The following TTC39B variants were observed in gnomAD, a reference collection of about 807,000 sequenced individuals.
The protein encoded by TTC39B is tetratricopeptide repeat protein 39B.
A neutral mutation model predicts 96.6 loss-of-function variants in TTC39B; 92 were observed. That is an observed-to-expected ratio of 0.95 (90% CI 0.80 to 1.13). The LOEUF is 1.13. Ranked by LOEUF, TTC39B falls within the 50% of genes most tolerant of loss-of-function variation. The probability of loss-of-function intolerance (pLI) is 0.00; values close to 1 mark genes in which losing one functional copy is unlikely to be tolerated. For synonymous variants in TTC39B, 367 were observed against 299.4 expected, an observed-to-expected ratio of 1.23 and a Z score of -2.33; for missense variants, 955 against 809.3, an observed-to-expected ratio of 1.18 and a Z score of -2.18.
chr9:15,182,226 G>T, intron 17 of TTC39B, 81 bp downstream of exon 17: 2 of 827,676 alleles, frequency 2.4e-6, no homozygotes, highest in Admixed American at 2.7e-5. Flanking sequence ...ATTAATGTTG[G>T]CAGATGTGCA....
At chr9:15,205,545 G>C (rs942056987) in intron 6 of TTC39B, among the ~76,000 whole-genome samples, 1 of 152,178 alleles carries the variant, frequency 6.6e-6, no homozygotes, top group African/African-American at 2.4e-5. Flanking sequence ...GCCATTAACA[G>C]ACCAAACTTG....
At chr9:15,258,963 A>G (rs192012011) in intron 2 of TTC39B, among the ~76,000 whole-genome samples, 1 of 152,292 alleles carries the variant, frequency 6.6e-6, no homozygotes, top group East Asian at 1.9e-4. Context: ...GTGAATTTAT[A>G]TGAAGAACTT....
chr9:15,281,178 AAAC>A (rs928531703), intron 1 of TTC39B, among the ~76,000 whole-genome samples: 4 of 152,034 alleles, frequency 2.6e-5, no homozygotes, highest in Non-Finnish European at 4.4e-5. Context: ...AAAAATCTAA[AAAC>A]AACAACAACA....
chr9:15,172,870 G>A lies in TTC39B; in HGVS notation c.1959-761C>T, dbSNP rs114620360. ...CTACTCACTGGTAATCTTGATGTGG[G>A]TTAGTAAAATGTATTATTCATAAAC... is the stretch of plus-strand genomic sequence containing the variant. On this transcript the variant is annotated intron_variant, in intron 19 of 19. Transcript: ENST00000512701. 5.2e-3 allele frequency among the ~76,000 whole-genome samples: 795 copies of A among 152,246 alleles called. 8 individuals are homozygous for A. The highest frequency in any genetic ancestry group is 0.018 in the African/African-American group (746 of 41,558).
chr9:15,278,927 T>C (rs1563783945), intron 1 of TTC39B, among the ~76,000 whole-genome samples: 1 of 152,202 alleles, frequency 6.6e-6, no homozygotes, highest in Non-Finnish European at 1.5e-5. Flanking sequence ...TCATTTAATC[T>C]TCATAGTGAC....
intron 1 of TTC39B, among the ~76,000 whole-genome samples, chr9:15,281,625 C>CAAAAAAAAAAAAAAAAAAA (rs1161175672): frequency 1.0e-4 from 5 of 49,002 alleles, no homozygotes; most frequent in African/African-American, 2.9e-4. Context: ...CCTGCAACAG[C>CAAAAAAAAAAAAAAAAAAA]AAAAAAAAAA....
At chr9:15,230,846 A>T (rs1028217797) in intron 2 of TTC39B, among the ~76,000 whole-genome samples, 4 of 152,120 alleles carry the variant, frequency 2.6e-5, no homozygotes, top group African/African-American at 9.7e-5. Flanking sequence ...TTAGCCAGGC[A>T]TGGTGGTGCA....
chr9:15,187,749 C>T (rs778720462), intron 14 of TTC39B, among the ~76,000 whole-genome samples: 26 of 152,340 alleles, frequency 1.7e-4, no homozygotes, highest in African/African-American at 5.8e-4. Context: ...CATGGGCCAT[C>T]GCATTTGGCC....
chr9:15,211,980 T>C (rs1820227526), intron 4 of TTC39B, among the ~76,000 whole-genome samples: 1 of 152,218 alleles, frequency 6.6e-6, no homozygotes, highest in Non-Finnish European at 1.5e-5. Flanking sequence ...ATCATCAAGT[T>C]ACAGTGAGAA....
chr9:15,281,699 C>T (rs139048413), intron 1 of TTC39B, among the ~76,000 whole-genome samples: 14 of 133,060 alleles, frequency 1.1e-4, no homozygotes, highest in African/African-American at 4.1e-4. Flanking sequence ...CTTTTTGAGA[C>T]AGGGTCTCAC....
chr9:15,305,242 T>C (rs971314697), intron 1 of TTC39B, among the ~76,000 whole-genome samples: 1 of 152,204 alleles, frequency 6.6e-6, no homozygotes, highest in East Asian at 1.9e-4. Flanking sequence ...TTTAGAGTTC[T>C]TGTACCCAGG....
Position 15,211,406 on chromosome 9 carries a change from A to C in TTC39B, c.483-9T>G. ...ACATACTCTCCTTAGCCCTGGGAAG[A>C]ACACAGGGAATTCAGACATTTTAAT... is the stretch of plus-strand genomic sequence containing the variant. On this transcript the variant is annotated splice_polypyrimidine_tract_variant and intron_variant, in intron 4 of 19. Transcript: ENST00000512701. 1 of 1,472,796 alleles carries C rather than the reference A, an allele frequency of 6.8e-7. No individual in the cohort carries two copies. Among genetic ancestry groups the C allele is most frequent in the Non-Finnish European group, 9.0e-7 (1 of 1,109,948 alleles). The allele number at this position is 1,472,796 out of a possible 1,614,324, so 91.2% of individuals were successfully genotyped here. A position where few individuals can be genotyped will look rare whatever the true frequency, so the allele number is the denominator to read the frequency against.
chr9:15,179,791 G>T (rs952815850), intron 17 of TTC39B, among the ~76,000 whole-genome samples: 6 of 152,176 alleles, frequency 3.9e-5, no homozygotes, highest in African/African-American at 1.4e-4. Context: ...TTGAGGAACA[G>T]ACGTAACATC....
intron 8 of TTC39B, among the ~76,000 whole-genome samples, chr9:15,198,638 G>A (rs1192858489): frequency 6.6e-6 from 1 of 151,546 alleles, no homozygotes; most frequent in Non-Finnish European, 1.5e-5. Context: ...TTAGACTACA[G>A]CTAAGAGAAC....
intron 2 of TTC39B, among the ~76,000 whole-genome samples, chr9:15,264,026 G>T (rs1349722760): frequency 1.3e-5 from 2 of 152,164 alleles, no homozygotes; most frequent in Non-Finnish European, 2.9e-5. Flanking sequence ...GAAACTGCTG[G>T]CAGATAAATA....
intron 2 of TTC39B, among the ~76,000 whole-genome samples, chr9:15,259,024 G>A (rs1822854593): frequency 6.6e-6 from 1 of 152,068 alleles, no homozygotes; most frequent in African/African-American, 2.4e-5. Context: ...AGATCTAACA[G>A]GACAAAAGAA....
At chr9:15,263,308 C>T (rs981433029) in intron 2 of TTC39B, among the ~76,000 whole-genome samples, 1 of 152,208 alleles carries the variant, frequency 6.6e-6, no homozygotes, top group Non-Finnish European at 1.5e-5. Flanking sequence ...CCCATTATCA[C>T]ATTTAACTTA....
intron 3 of TTC39B, among the ~76,000 whole-genome samples, chr9:15,216,730 C>T (rs1269049195): frequency 1.3e-5 from 2 of 152,116 alleles, no homozygotes; most frequent in Non-Finnish European, 2.9e-5. Context: ...TGCCTAAAGC[C>T]CTTTCAACTA....
intron 2 of TTC39B, among the ~76,000 whole-genome samples, chr9:15,258,775 T>C (rs1395806680): frequency 6.6e-6 from 1 of 152,140 alleles, no homozygotes; most frequent in African/African-American, 2.4e-5. Context: ...GACTCAGTCT[T>C]CCATCTCTGC....
Sources: gnomAD v4.1 joint callset for allele counts (sites outside exome capture counted in the v4.1 genomes callset) on GRCh38, gnomAD v4.1.1 for gene constraint, MANE v1.5 for transcripts, NCBI Gene and HGNC (gene_info 2026-07-23, HGNC 2026-07-21) for gene names.